Variants in KDM1B observed in about 807,000 individuals in gnomAD.
KDM1B encodes lysine demethylase 1B.
KDM1B carries 63 observed loss-of-function variants against 107.4 expected under a neutral mutation model. The observed-to-expected ratio is 0.59, with a 90% CI of 0.48 to 0.72. The LOEUF is 0.72. Ranked by LOEUF, KDM1B falls within the 30% of genes least tolerant of loss-of-function variation. The pLI is 0.00. For missense variants in KDM1B, 749 were observed against 1,020.8 expected (o/e 0.73, Z 3.63); for synonymous variants, 363 against 363.9 (o/e 1.00, Z 0.03).
rs761921489 is a variant in KDM1B at position 18,205,040 on chromosome 6, T to TA, written c.1532-495dup. ...GGAGTGCTGACAAGATACAAGCCCA[T>TA]AATGGAATATTCTTGTTTGGGACAG... On this transcript the variant is annotated intron_variant, in intron 14 of 21. Coordinates refer to ENST00000650836, the MANE Select transcript of KDM1B (RefSeq NM_001364614.2). This position sits in a 1 kb window ranked among gnomAD's most constrained non-coding sequence, Gnocchi z 5.7. Among the ~76,000 whole-genome samples the TA allele has an allele frequency of 5.9e-5, 9 of 152,184 alleles. No individual in the cohort carries two copies. Among genetic ancestry groups the TA allele is most frequent in the Admixed American group, 2.6e-4 (4 of 15,276 alleles).
intron 16 of KDM1B, 138 bp downstream of exon 16, chr6:18,207,667 G>A (rs1163666214): frequency 1.3e-5 from 12 of 941,156 alleles, no homozygotes; most frequent in African/African-American, 3.3e-5. Flanking sequence ...TGGCTCATTC[G>A]TAGCCTGTGT....
chr6:18,214,937 A>AC lies in KDM1B; in HGVS notation c.2110-70_2110-69insC. On this transcript the variant is annotated intron_variant, in intron 19 of 21. Transcript: ENST00000650836. This position sits in a 1 kb window ranked among gnomAD's most constrained non-coding sequence, Gnocchi z 4.4. ...TTAAAACAAAACAAAACAAAAAACAAAAAAAAGAGGCCCTTATCTGTGGGA... is the reference window on the plus strand; with the variant it reads ...TTAAAACAAAACAAAACAAAAAACAACAAAAAAGAGGCCCTTATCTGTGGGA... 9 of 1,518,340 alleles carry AC rather than the reference A, an allele frequency of 5.9e-6. No homozygotes were observed. Among genetic ancestry groups the AC allele is most frequent in the African/African-American group, 2.8e-5 (2 of 70,560 alleles). 94.1% of individuals were successfully genotyped at this position (1,518,340 alleles called of 1,614,324 possible). A position where few individuals can be genotyped will look rare whatever the true frequency, so the allele number is the denominator to read the frequency against.
In KDM1B at chr6:18,206,714, T is replaced by C. The variant is rs140654973; in HGVS notation, c.1660-684T>C. 4.0e-3 allele frequency among the ~76,000 whole-genome samples: 610 copies of C among 152,270 alleles called. 2 individuals carry two copies. Among genetic ancestry groups the C allele is most frequent in the Non-Finnish European group, 5.3e-3 (358 of 68,014 alleles). ...TGCTGGAATTACAGGCATGAGCCACTGCACCAGGACTTGTCTCTTTACCGT... is the reference window on the plus strand; with the variant it reads ...TGCTGGAATTACAGGCATGAGCCACCGCACCAGGACTTGTCTCTTTACCGT... On this transcript the variant is annotated intron_variant, in intron 15 of 21. Transcript: ENST00000650836.
At chr6:18,206,970 T>C (rs1788416942) in intron 15 of KDM1B, among the ~76,000 whole-genome samples, 1 of 152,178 alleles carries the variant, frequency 6.6e-6, no homozygotes, top group South Asian at 2.1e-4. Flanking sequence ...CTTTGGGACC[T>C]CTCCATTTCC....
rs192126604 is a variant in KDM1B at position 18,211,706 on chromosome 6, A to G, written c.1867-782A>G. On this transcript the variant is annotated intron_variant, in intron 17 of 21. Coordinates refer to ENST00000650836, the MANE Select transcript of KDM1B (RefSeq NM_001364614.2). This position sits in a 1 kb window ranked among gnomAD's most constrained non-coding sequence, Gnocchi z 5.2. ...TGGAGCCAGAAATGTCCAATTCCCA[A>G]TGTTTGTGATGTGTTTCACTACTTA... is the stretch of plus-strand genomic sequence containing the variant. The G allele has an allele frequency of 6.6e-6, 1 of 152,288 alleles. No homozygotes were observed. Among genetic ancestry groups the G allele is most frequent in the Non-Finnish European group, 1.5e-5 (1 of 68,036 alleles). 9.4% of individuals were successfully genotyped at this position (152,288 alleles called of 1,614,324 possible).
rs147884272 is a variant in KDM1B at position 18,202,448 on chromosome 6, A to C, written c.1531+791A>C. ...AAAATCTTTTGGCTTTTGTACTTAA[A>C]TGGGCAATATTAGCCACAACTATTT... is the stretch of plus-strand genomic sequence containing the variant. On this transcript the variant is annotated intron_variant, in intron 14 of 21. Transcript: ENST00000650836. 6.0e-3 allele frequency among the ~76,000 whole-genome samples: 920 copies of C among 152,306 alleles called. 7 individuals are homozygous for C. The highest frequency in any genetic ancestry group is 0.021 in the African/African-American group (868 of 41,574).
chr6:18,220,760 A>G (rs1405687505), intron 21 of KDM1B, among the ~76,000 whole-genome samples: 2 of 147,384 alleles, frequency 1.4e-5, no homozygotes, highest in Non-Finnish European at 3.0e-5. Context: ...TGATGCGATT[A>G]TTACCTCACC....
At chr6:18,218,305 G>A (rs1176305302) in intron 21 of KDM1B, among the ~76,000 whole-genome samples, 1 of 151,272 alleles carries the variant, frequency 6.6e-6, no homozygotes, top group Admixed American at 6.6e-5. Context: ...TTTATTTTTT[G>A]TAGAGACGGG....
chr6:18,218,315 G>A (rs1392013061), intron 21 of KDM1B, among the ~76,000 whole-genome samples: 2 of 151,754 alleles, frequency 1.3e-5, no homozygotes, highest in Non-Finnish European at 2.9e-5. Flanking sequence ...GTAGAGACGG[G>A]GTCCGCAGTG....
At chr6:18,220,915 T>G (rs1339287030) in intron 21 of KDM1B, among the ~76,000 whole-genome samples, 3 of 151,978 alleles carry the variant, frequency 2.0e-5, no homozygotes. Flanking sequence ...GCCCAGCTAA[T>G]TTTTTATTTT....
At position 18,212,610 on chromosome 6, in the gene KDM1B, T is replaced by A; in HGVS notation, c.1983+6T>A. ...GCGCAGGCATCATTGAAAAGGTGAC[T>A]GAAATGACCTCATCCTCAGCAAGAA... On this transcript the variant is annotated splice_donor_region_variant and intron_variant, in intron 18 of 21. Transcript: ENST00000650836. This position sits in a 1 kb window ranked among gnomAD's most constrained non-coding sequence, Gnocchi z 5.2. 6.4e-7 allele frequency: 1 copy of A among 1,550,642 alleles called. No homozygotes were observed. The highest frequency in any genetic ancestry group is 8.9e-7 in the Non-Finnish European group (1 of 1,121,998).
rs1457867588 is a variant in KDM1B at position 18,211,445 on chromosome 6, GT to G, written c.1867-1042del. 1 of 152,250 alleles carries G rather than the reference GT, an allele frequency of 6.6e-6. No individual in the cohort carries two copies. The highest frequency in any genetic ancestry group is 1.5e-5 in the Non-Finnish European group (1 of 68,066). The allele number at this position is 152,250 out of a possible 1,614,324, so 9.4% of individuals were successfully genotyped here. A position where few individuals can be genotyped will look rare whatever the true frequency, so the allele number is the denominator to read the frequency against. On this transcript the variant is annotated intron_variant, in intron 17 of 21. Transcript: ENST00000650836. The surrounding 1 kb of genome is among the most constrained non-coding windows in gnomAD (Gnocchi z 5.2). Reference sequence around the variant, plus strand: ...TGCACTTGCATGAGATGTAGAAGGTGTAGGTTGACTTTCGCTTCCCTTCTGC... The same window carrying G: ...TGCACTTGCATGAGATGTAGAAGGTGAGGTTGACTTTCGCTTCCCTTCTGC...
chr6:18,217,075 C>A (rs1172736945), intron 20 of KDM1B, among the ~76,000 whole-genome samples: 1 of 127,552 alleles, frequency 7.8e-6, no homozygotes, highest in African/African-American at 3.1e-5. Context: ...TCTTCTTGGG[C>A]CAGAGACTCC....
Position 18,205,271 on chromosome 6 carries a change from T to C in KDM1B, c.1532-266T>C, listed in dbSNP as rs1009016134. Among the ~76,000 whole-genome samples the C allele has an allele frequency of 2.0e-5, 3 of 152,140 alleles. No individual in the cohort carries two copies. The highest frequency in any genetic ancestry group is 2.1e-4 in the South Asian group (1 of 4,818). On this transcript the variant is annotated intron_variant, in intron 14 of 21. Transcript: ENST00000650836. This position sits in a 1 kb window ranked among gnomAD's most constrained non-coding sequence, Gnocchi z 5.7. ...CGAAATTGAGACGTTTCTGAAGATA[T>C]AGAACTTACATAGCTTTGTTTCCGG...
chr6:18,184,257 A>G (rs1310369651), intron 7 of KDM1B, among the ~76,000 whole-genome samples: 2 of 143,494 alleles, frequency 1.4e-5, no homozygotes, highest in East Asian at 4.0e-4. Context: ...ATCCTACACT[A>G]TGATTGTTCT....
chr6:18,222,780 T>C lies in KDM1B; in HGVS notation c.*788T>C, dbSNP rs1487336917. 6.6e-6 allele frequency: 1 copy of C among 152,594 alleles called. No homozygotes were observed. The highest frequency in any genetic ancestry group is 1.5e-5 in the Non-Finnish European group (1 of 68,026). 9.5% of individuals were successfully genotyped at this position (152,594 alleles called of 1,614,324 possible). On this transcript the variant is annotated 3_prime_UTR_variant, in exon 22 of 22. Coordinates refer to ENST00000650836, the MANE Select transcript of KDM1B (RefSeq NM_001364614.2). ...TTTGGGTGATAGGACACTTTAAATA[T>C]CCTTAATTTTGGCAACCACTAGCAA...
At chr6:18,161,636 C>G (rs570956344) in intron 4 of KDM1B, among the ~76,000 whole-genome samples, 182 bp downstream of exon 4, 54 of 152,196 alleles carry the variant, frequency 3.5e-4, no homozygotes, top group African/African-American at 1.2e-3. Context: ...GCCCTCCCTA[C>G]TTATCCCTAG....
chr6:18,172,942 T>G lies in KDM1B; in HGVS notation c.534+1463T>G, dbSNP rs1268378883. ...CTGTCTCTAGTAAAAATATAAAAAT[T>G]AGCCCAGTGTGGTGGCATGTGCTTG... On this transcript the variant is annotated intron_variant, in intron 7 of 21. Transcript: ENST00000650836. This position sits in a 1 kb window ranked among gnomAD's most constrained non-coding sequence, Gnocchi z 5.2. Among the ~76,000 whole-genome samples the G allele has an allele frequency of 3.3e-5, 5 of 151,898 alleles. No homozygotes were observed. The highest frequency in any genetic ancestry group is 1.2e-4 in the African/African-American group (5 of 41,340).
intron 6 of KDM1B, among the ~76,000 whole-genome samples, chr6:18,169,203 T>G (rs375445977): frequency 1.5e-4 from 23 of 150,974 alleles, no homozygotes; most frequent in Non-Finnish European, 3.2e-4. Flanking sequence ...TGTCTTTTTG[T>G]AGTTGAGTTG....
Sources: gnomAD v4.1 joint callset for allele counts (sites outside exome capture counted in the v4.1 genomes callset) on GRCh38, gnomAD v4.1.1 for gene constraint, Gnocchi (gnomAD v3.1) non-coding constraint, MANE v1.5 for transcripts, NCBI Gene and HGNC (gene_info 2026-07-23, HGNC 2026-07-21) for gene names.